The following VEPH1 variants were observed in gnomAD, a reference collection of about 807,000 sequenced individuals.
VEPH1 encodes the protein ventricular zone expressed PH domain containing 1, also known as ventricular zone-expressed PH domain-containing protein homolog 1.
VEPH1 carries 80 observed loss-of-function variants against 85.2 expected under a neutral mutation model. That is an observed-to-expected ratio of 0.94 (90% CI 0.78 to 1.13). The LOEUF is 1.13. Among genes scored for constraint, VEPH1 ranks in the 50% most tolerant of loss-of-function variants. The pLI, the probability that VEPH1 is intolerant of heterozygous loss-of-function variation, is 0.00. For synonymous variants in VEPH1, 297 were observed against 348.0 expected (o/e 0.85, Z 1.63); for missense variants, 955 against 980.5 (o/e 0.97, Z 0.35).
At chr3:157,363,239 T>TAA (rs1057054755) in intron 9 of VEPH1, 125 bp downstream of exon 9, 4 of 970,734 alleles carry the variant, frequency 4.1e-6, no homozygotes, top group Non-Finnish European at 5.9e-6. Flanking sequence ...GTAAGGTATT[T>TAA]AAAAAAAATG....
intron 3 of VEPH1, among the ~76,000 whole-genome samples, chr3:157,467,933 A>T (rs1230175358): frequency 6.6e-6 from 1 of 152,214 alleles, no homozygotes; most frequent in Non-Finnish European, 1.5e-5. Context: ...TCTCAAAAAC[A>T]TTTAATTCCT....
intron 2 of VEPH1, among the ~76,000 whole-genome samples, chr3:157,483,202 A>G (rs1738298209): frequency 6.6e-6 from 1 of 151,966 alleles, no homozygotes; most frequent in African/African-American, 2.4e-5. Context: ...CACTTCAAGA[A>G]TCTCCAAAGC....
intron 9 of VEPH1, among the ~76,000 whole-genome samples, chr3:157,336,571 G>C (rs529141484): frequency 1.3e-5 from 2 of 152,112 alleles, no homozygotes; most frequent in African/African-American, 4.8e-5. Flanking sequence ...TCCCCTAAGC[G>C]TATACCTTTT....
intron 2 of VEPH1, among the ~76,000 whole-genome samples, chr3:157,484,274 T>G (rs145624952): frequency 1.3e-5 from 2 of 152,256 alleles, no homozygotes; most frequent in African/African-American, 2.4e-5. Flanking sequence ...AGTTTATCAT[T>G]AACAGACCTT....
intron 9 of VEPH1, 78 bp downstream of exon 9, chr3:157,363,286 A>T: frequency 7.2e-7 from 1 of 1,386,514 alleles, no homozygotes; most frequent in South Asian, 1.7e-5. Context: ...GAGTATGCTA[A>T]TTTACCTGAT....
intron 5 of VEPH1, among the ~76,000 whole-genome samples, chr3:157,423,709 T>C (rs1013706657): frequency 3.3e-5 from 5 of 152,240 alleles, no homozygotes; most frequent in Non-Finnish European, 5.9e-5. Flanking sequence ...TCTATGTTTA[T>C]TGTCAGTTTG....
In VEPH1 at chr3:157,460,326, T is replaced by A; in HGVS notation, c.384A>T (p.Leu128Phe). 6.2e-7 allele frequency: 1 copy of A among 1,613,536 alleles called. No individual in the cohort carries two copies. The highest frequency in any genetic ancestry group is 8.5e-7 in the Non-Finnish European group (1 of 1,179,470). ...QNYNRPPVMA[L>F]AIPIAVKFLH... is the part of the protein sequence containing the mutation. ...GGAATTTCACTGCAATGGGGATGGC[T>A]AATGCCATCACTGGGGGTCGGTTGT... The change falls in exon 4 of 14, where the codon TTA becomes TTT. Residue 128 changes from leucine to phenylalanine, a missense_variant. Physicochemically the swap from Leu to Phe is conservative, Grantham distance 22. Transcript: ENST00000362010.
intron 6 of VEPH1, among the ~76,000 whole-genome samples, chr3:157,397,411 G>A (rs1264130404): frequency 6.6e-6 from 1 of 152,046 alleles, no homozygotes; most frequent in Admixed American, 6.6e-5. Flanking sequence ...TTGGCTATAC[G>A]GGCTCTTTTT....
chr3:157,319,583 T>C (rs1419522801), intron 9 of VEPH1, among the ~76,000 whole-genome samples: 1 of 152,222 alleles, frequency 6.6e-6, no homozygotes, highest in Non-Finnish European at 1.5e-5. Flanking sequence ...TATATTGAGA[T>C]AGCAATATGT....
At chr3:157,266,633 T>C (rs1713689202) in intron 12 of VEPH1, among the ~76,000 whole-genome samples, 1 of 152,208 alleles carries the variant, frequency 6.6e-6, no homozygotes, top group Non-Finnish European at 1.5e-5. Context: ...ATTTGTTGAC[T>C]GAATGGACTA....
intron 1 of VEPH1, among the ~76,000 whole-genome samples, chr3:157,500,177 T>C (rs967996486): frequency 6.6e-6 from 1 of 152,224 alleles, no homozygotes; most frequent in Non-Finnish European, 1.5e-5. Context: ...TCCTGCTTAA[T>C]CTACTGACAC....
rs1218630621 is a variant in VEPH1, at chr3:157,261,243, A to G, written c.2393T>C (p.Val798Ala). Residue 798 changes from valine to alanine, a missense_variant, in exon 14 of 14, where the codon GTC (valine) becomes GCC (alanine). Physicochemically the swap from Val to Ala is moderately conservative, Grantham distance 64 (BLOSUM62 0). Coordinates refer to ENST00000362010, the MANE Select transcript of VEPH1 (RefSeq NM_001167912.2). ...ATTCTTCTCATCCTTGGCCTTAAAG[A>G]CATAGGTTTTATTGTCTGTGAAGAT... ...FEIFTDNKTY[V>A]FKAKDEKNAE... The G allele has an allele frequency of 6.2e-7, 1 of 1,613,782 alleles. No homozygotes were observed. The highest frequency in any genetic ancestry group is 8.5e-7 in the Non-Finnish European group (1 of 1,179,796).
rs377068478 is a variant in VEPH1, at chr3:157,261,097, C to T, written c.*37G>A. 10 of 1,610,292 alleles carry T rather than the reference C, an allele frequency of 6.2e-6. No individual in the cohort carries two copies. The highest frequency in any genetic ancestry group is 7.6e-6 in the Non-Finnish European group (9 of 1,178,334). ...GACATTGGCAATGATAATACAATGCCTGTGGTGTATAATTGTCATGGCTGA... is the reference window on the plus strand; with the variant it reads ...GACATTGGCAATGATAATACAATGCTTGTGGTGTATAATTGTCATGGCTGA... On this transcript the variant is annotated 3_prime_UTR_variant, in exon 14 of 14. Transcript: ENST00000362010.
chr3:157,461,872 C>CTAGTTAAGGA (rs1337138960), intron 3 of VEPH1, among the ~76,000 whole-genome samples: 2 of 151,628 alleles, frequency 1.3e-5, no homozygotes, highest in Non-Finnish European at 2.9e-5. Flanking sequence ...CAAGGACTTC[C>CTAGTTAAGGA]TTAAACCTAA....
intron 3 of VEPH1, among the ~76,000 whole-genome samples, chr3:157,468,420 C>A (rs976038730): frequency 6.6e-6 from 1 of 152,046 alleles, no homozygotes; most frequent in Admixed American, 6.6e-5. Flanking sequence ...TAAAAATATA[C>A]AAAAATTAGC....
chr3:157,434,277 G>A (rs2109158076), intron 4 of VEPH1, among the ~76,000 whole-genome samples: 1 of 152,116 alleles, frequency 6.6e-6, no homozygotes, highest in Admixed American at 6.5e-5. Context: ...TTTTGTAAGT[G>A]ATGTATAGCT....
chr3:157,395,975 CG>C (rs1007644361), intron 6 of VEPH1, among the ~76,000 whole-genome samples: 1 of 152,118 alleles, frequency 6.6e-6, no homozygotes, highest in Non-Finnish European at 1.5e-5. Flanking sequence ...GCAGGATGTG[CG>C]GGTTTGTTAC....
At chr3:157,435,092 T>G (rs977581688) in intron 4 of VEPH1, among the ~76,000 whole-genome samples, 6 of 152,058 alleles carry the variant, frequency 3.9e-5, no homozygotes, top group Non-Finnish European at 8.8e-5. Context: ...ATTCTAGAAG[T>G]TTTATTTGGT....
intron 2 of VEPH1, among the ~76,000 whole-genome samples, chr3:157,470,961 C>T (rs986384342): frequency 1.3e-5 from 2 of 152,154 alleles, no homozygotes; most frequent in African/African-American, 4.8e-5. Flanking sequence ...TAATGGAACA[C>T]ATCATTTCAT....
Sources: allele counts gnomAD v4.1 joint callset (sites outside exome capture counted in the v4.1 genomes callset), GRCh38; gene constraint gnomAD v4.1.1; transcripts MANE v1.5; gene names NCBI Gene and HGNC (gene_info 2026-07-23, HGNC 2026-07-21).